TNFRSF11A: variants seen among roughly 807,000 people sequenced by gnomAD.
TNFRSF11A encodes the protein TNF receptor superfamily member 11a.
A neutral mutation model predicts 55.7 loss-of-function variants in TNFRSF11A; 32 were observed. The ratio of observed to expected loss-of-function variants is 0.57; its 90% confidence interval spans 0.43 to 0.77. The LOEUF is 0.77. TNFRSF11A is among the 30% of genes least tolerant of loss of function. The pLI, the probability that TNFRSF11A is intolerant of heterozygous loss-of-function variation, is 0.00. For synonymous variants in TNFRSF11A, 311 were observed against 331.0 expected (o/e 0.94, Z 0.65); for missense variants, 753 against 809.8 (o/e 0.93, Z 0.85).
intron 1 of TNFRSF11A, among the ~76,000 whole-genome samples, chr18:62,343,123 T>C (rs1233149679): frequency 6.6e-6 from 1 of 152,228 alleles, no homozygotes; most frequent in East Asian, 1.9e-4. Context: ...GTTTCTCTCT[T>C]AAGAAAAACC....
rs181837761 is a variant in TNFRSF11A, at chr18:62,332,201, G to T, written c.75+6774G>T. On this transcript the variant is annotated intron_variant, in intron 1 of 9. Coordinates refer to ENST00000586569, the MANE Select transcript of TNFRSF11A (RefSeq NM_003839.4). Reference sequence around the variant, plus strand: ...CTGGCACCACTGTGTTGGCTGGTTTGGGGTTCGCATCACATCCCACAGATG... The same window carrying T: ...CTGGCACCACTGTGTTGGCTGGTTTTGGGTTCGCATCACATCCCACAGATG... Among the ~76,000 whole-genome samples the T allele has an allele frequency of 1.6e-3, 244 of 152,278 alleles. 1 individual carries two copies. Among genetic ancestry groups the T allele is most frequent in the African/African-American group, 5.5e-3 (228 of 41,542 alleles).
Position 62,389,369 on chromosome 18 carries a change from G to C in TNFRSF11A, c.*4335G>C, listed in dbSNP as rs928199475. 3 of 152,456 alleles carry C rather than the reference G, an allele frequency of 2.0e-5. No homozygotes were observed. Among genetic ancestry groups the C allele is most frequent in the African/African-American group, 7.2e-5 (3 of 41,454 alleles). The allele number at this position is 152,456 out of a possible 1,614,324, so 9.4% of individuals were successfully genotyped here. On this transcript the variant is annotated 3_prime_UTR_variant, in exon 10 of 10. Coordinates refer to ENST00000586569, the MANE Select transcript of TNFRSF11A (RefSeq NM_003839.4). ...AGTGGCGGTGCCAGCAGTGAGCACA[G>C]GCGGGGTCTAGGTGGGATCACTGAA...
At chr18:62,357,114 C>T (rs948748041) in intron 4 of TNFRSF11A, among the ~76,000 whole-genome samples, 39 of 152,134 alleles carry the variant, frequency 2.6e-4, no homozygotes, top group Non-Finnish European at 1.9e-4. Context: ...CCTACCTAGC[C>T]AGCCAAATTG....
chr18:62,340,614 T>G (rs1456262466), intron 1 of TNFRSF11A, among the ~76,000 whole-genome samples: 1 of 152,238 alleles, frequency 6.6e-6, no homozygotes, highest in Non-Finnish European at 1.5e-5. Context: ...TGAGCCTAAC[T>G]TTTGGCAGCA....
chr18:62,382,980 T>G (rs1451708288), intron 9 of TNFRSF11A, among the ~76,000 whole-genome samples: 1 of 152,144 alleles, frequency 6.6e-6, no homozygotes, highest in Non-Finnish European at 1.5e-5. Flanking sequence ...TGGTAAGTGG[T>G]GGGAGCAGAA....
chr18:62,351,283 G>A (rs909205800), intron 3 of TNFRSF11A, among the ~76,000 whole-genome samples: 1 of 152,258 alleles, frequency 6.6e-6, no homozygotes, highest in African/African-American at 2.4e-5. Context: ...GATTACAGGC[G>A]TGAGCCACAA....
chr18:62,334,950 A>AG (rs1555769256), intron 1 of TNFRSF11A, among the ~76,000 whole-genome samples: 1 of 152,102 alleles, frequency 6.6e-6, no homozygotes, highest in African/African-American at 2.4e-5. Context: ...TGTGAGATCA[A>AG]GGGGGCAGTT....
In TNFRSF11A at chr18:62,331,493, C is replaced by T. The variant is rs951902188; in HGVS notation, c.75+6066C>T. Among the ~76,000 whole-genome samples the T allele has an allele frequency of 6.6e-5, 10 of 152,230 alleles. No individual in the cohort carries two copies. In the East Asian group the frequency reaches 1.7e-3, roughly 26 times the overall value. On this transcript the variant is annotated intron_variant, in intron 1 of 9. Coordinates refer to ENST00000586569, the MANE Select transcript of TNFRSF11A (RefSeq NM_003839.4). ...CCTGTAGAGGCAAACATGGTAAAAG[C>T]CCCGTGGCATTGTGCTGTGCAGGGA...
chr18:62,356,869 T>C (rs1347480895), intron 4 of TNFRSF11A, among the ~76,000 whole-genome samples: 1 of 152,238 alleles, frequency 6.6e-6, no homozygotes, highest in Non-Finnish European at 1.5e-5. Context: ...AGGATGCTTC[T>C]GGCAGGTCAG....
intron 1 of TNFRSF11A, among the ~76,000 whole-genome samples, chr18:62,331,730 G>A (rs906896821): frequency 1.3e-5 from 2 of 152,238 alleles, no homozygotes. Flanking sequence ...CCCAAAAGAA[G>A]CAGTGTTTAT....
At chr18:62,328,487 C>A (rs1411601515) in intron 1 of TNFRSF11A, among the ~76,000 whole-genome samples, 2 of 151,850 alleles carry the variant, frequency 1.3e-5, no homozygotes, top group Non-Finnish European at 2.9e-5. Context: ...ATTCAGGAAA[C>A]CCCCACCAAA....
chr18:62,380,435 A>ATT lies in TNFRSF11A; in HGVS notation c.1568-4296_1568-4295dup, dbSNP rs577681535. Among the ~76,000 whole-genome samples, 396 of 136,302 alleles carry ATT rather than the reference A, an allele frequency of 2.9e-3. 2 individuals carry two copies. The highest frequency in any genetic ancestry group is 7.6e-3 in the African/African-American group (273 of 35,786). The allele number at this position is 136,302 out of a possible 152,430, so 89.4% of individuals were successfully genotyped here. ...GTCCTTTACATCTTAACGGTCAGGA[A>ATT]TTTTTTTTTTTTTTTTTTTTTGAGA... On this transcript the variant is annotated intron_variant, in intron 9 of 9. Transcript: ENST00000586569.
At chr18:62,366,911 C>T (rs1910131771) in intron 8 of TNFRSF11A, 151 bp downstream of exon 8, 2 of 804,392 alleles carry the variant, frequency 2.5e-6, no homozygotes, top group South Asian at 2.9e-5. Flanking sequence ...TGCAGGGGTG[C>T]AATCTCAGCT....
At chr18:62,351,689 T>C (rs1331305223) in intron 3 of TNFRSF11A, among the ~76,000 whole-genome samples, 1 of 152,242 alleles carries the variant, frequency 6.6e-6, no homozygotes, top group East Asian at 1.9e-4. Context: ...CTTTTAACCT[T>C]ATTTATCACT....
intron 7 of TNFRSF11A, among the ~76,000 whole-genome samples, chr18:62,362,255 C>T (rs1237311241): frequency 6.6e-6 from 1 of 151,968 alleles, no homozygotes; most frequent in South Asian, 2.1e-4. Flanking sequence ...CTTTGAGAGG[C>T]CGAGGCAGGT....
chr18:62,334,520 A>G (rs1271572300), intron 1 of TNFRSF11A, among the ~76,000 whole-genome samples: 1 of 152,224 alleles, frequency 6.6e-6, no homozygotes, highest in Non-Finnish European at 1.5e-5. Flanking sequence ...AGGGCAGCAG[A>G]CAGTGATAGG....
At chr18:62,354,094 A>G (rs985819457) in intron 3 of TNFRSF11A, among the ~76,000 whole-genome samples, 9 of 152,232 alleles carry the variant, frequency 5.9e-5, no homozygotes, top group Non-Finnish European at 1.3e-4. Context: ...AAAACATTCA[A>G]TGATCATCAA....
At chr18:62,358,485 A>T (rs1359198396) in intron 5 of TNFRSF11A, 144 bp downstream of exon 5, 17 of 790,560 alleles carry the variant, frequency 2.2e-5, no homozygotes, top group Admixed American at 2.0e-4. Context: ...AAGTCTGTCA[A>T]TTCAGCCTGG....
At chr18:62,352,818 G>A (rs1043853122) in intron 3 of TNFRSF11A, among the ~76,000 whole-genome samples, 1 of 152,134 alleles carries the variant, frequency 6.6e-6, no homozygotes, top group African/African-American at 2.4e-5. Context: ...CCAAGCTTGG[G>A]TCTATAAAGA....
Sources: allele counts gnomAD v4.1 joint callset (sites outside exome capture counted in the v4.1 genomes callset), GRCh38; gene constraint gnomAD v4.1.1; transcripts MANE v1.5; gene names NCBI Gene and HGNC (gene_info 2026-07-23, HGNC 2026-07-21).